FNBP4: variants seen among roughly 807,000 people sequenced by gnomAD.
FNBP4 encodes the protein formin-binding protein 4.
In FNBP4, 34 loss-of-function variants were observed where a neutral mutation model predicts 119.3. The ratio of observed to expected loss-of-function variants is 0.28; its 90% CI spans 0.22 to 0.38. FNBP4 has a LOEUF of 0.38. FNBP4 is among the 10% of genes least tolerant of loss of function. The probability of loss-of-function intolerance (pLI) is 1.00; values close to 1 mark genes in which losing one functional copy is unlikely to be tolerated. For missense variants in FNBP4, 1,112 were observed against 1,228.9 expected (o/e 0.90, Z 1.42); for synonymous variants, 462 against 430.6 (o/e 1.07, Z -0.90).
intron 9 of FNBP4, among the ~76,000 whole-genome samples, chr11:47,735,653 G>A (rs1290537819): frequency 2.0e-5 from 3 of 152,182 alleles, no homozygotes; most frequent in African/African-American, 7.2e-5. Flanking sequence ...TAATTTCTCA[G>A]TATCAAGTCA....
intron 8 of FNBP4, among the ~76,000 whole-genome samples, chr11:47,739,952 G>A (rs962456675): frequency 4.0e-5 from 4 of 100,804 alleles, no homozygotes; most frequent in African/African-American, 1.5e-4. Context: ...CTAGTTTTAT[G>A]TATTTTTGTT....
Position 47,746,097 on chromosome 11 carries a change from G to T in FNBP4, c.1204C>A (p.Gln402Lys). The T allele has an allele frequency of 1.9e-6, 3 of 1,609,264 alleles. No homozygotes were observed. The highest frequency in any genetic ancestry group is 1.7e-6 in the Non-Finnish European group (2 of 1,178,892). Residue 402 changes from glutamine (Q) to lysine (K), a missense_variant, in exon 7 of 17, where the codon CAA becomes AAA. Physicochemically the swap from Gln to Lys is moderately conservative, Grantham distance 53 (BLOSUM62 1). Coordinates refer to ENST00000263773, the MANE Select transcript of FNBP4 (RefSeq NM_015308.5). ...ACTAGCTCCAGTTCAAGGGTATCTT[G>T]TTCCTCTTCCTCCTCACTTTCTCCA... ...QSGESEEEEE[Q>K]DTLELELVLE...
chr11:47,765,849 A>ATTTT (rs1565173531), intron 1 of FNBP4, among the ~76,000 whole-genome samples: 2 of 23,554 alleles, frequency 8.5e-5, no homozygotes, highest in South Asian at 3.7e-3. Context: ...CAGAGCTGGA[A>ATTTT]TCTTTTTTTT....
intron 15 of FNBP4, 61 bp downstream of exon 15, chr11:47,722,915 G>A: frequency 7.0e-7 from 1 of 1,422,408 alleles, no homozygotes; most frequent in Non-Finnish European, 9.2e-7. Flanking sequence ...TTCATGTTAT[G>A]TGAATATAAC....
At chr11:47,733,212 GAGT>G (rs2097569568) in intron 10 of FNBP4, among the ~76,000 whole-genome samples, 1 of 152,188 alleles carries the variant, frequency 6.6e-6, no homozygotes, top group Non-Finnish European at 1.5e-5. Context: ...GTGTGAAAAT[GAGT>G]AGTAGTAGTT....
rs902220640 is a variant in FNBP4, at chr11:47,765,213, C to G, written c.313+57G>C. 5 of 1,176,848 alleles carry G rather than the reference C, an allele frequency of 4.2e-6. No individual in the cohort carries two copies. The African/African-American group carries it at 7.7e-5, about 18-fold the overall frequency. 72.9% of individuals were successfully genotyped at this position (1,176,848 alleles called of 1,614,324 possible). On this transcript the variant is annotated intron_variant, in intron 2 of 16. Coordinates refer to ENST00000263773, the MANE Select transcript of FNBP4 (RefSeq NM_015308.5). ...CAAAACATTCTATGTACAAACCCAA[C>G]TTGACTTTAATGAAAGACGTGGGAG...
chr11:47,728,342 T>C (rs1157235896), intron 12 of FNBP4, among the ~76,000 whole-genome samples: 1 of 150,872 alleles, frequency 6.6e-6, no homozygotes, highest in Non-Finnish European at 1.5e-5. Flanking sequence ...CTCTGCCTCC[T>C]GGGTTCAAGC....
Position 47,731,565 on chromosome 11 carries a change from A to T in FNBP4, c.1821-4T>A, listed in dbSNP as rs1216164885. The T allele has an allele frequency of 6.3e-7, 1 of 1,596,302 alleles. No homozygotes were observed. The highest frequency in any genetic ancestry group is 1.8e-5 in the Admixed American group (1 of 54,630). ...ATAGAAATACCGTCTATGATCCCTA[A>T]ATTACAAGAAAGAAAACACATGTTT... is the stretch of plus-strand genomic sequence containing the variant. On this transcript the variant is annotated splice_region_variant and splice_polypyrimidine_tract_variant and intron_variant, in intron 11 of 16. Transcript: ENST00000263773.
chr11:47,733,011 G>T (rs1168925257), intron 10 of FNBP4, among the ~76,000 whole-genome samples: 1 of 152,108 alleles, frequency 6.6e-6, no homozygotes, highest in Non-Finnish European at 1.5e-5. Context: ...CCAGCTACTC[G>T]AGAGGCTGAG....
chr11:47,766,126 C>T (rs547769166), intron 1 of FNBP4, among the ~76,000 whole-genome samples: 108 of 151,962 alleles, frequency 7.1e-4, no homozygotes, highest in African/African-American at 2.2e-3. Context: ...GAGACCAGCC[C>T]GGGAAACATG....
chr11:47,749,390 C>T (rs1455579838), intron 6 of FNBP4, among the ~76,000 whole-genome samples: 1 of 151,900 alleles, frequency 6.6e-6, no homozygotes, highest in East Asian at 1.9e-4. Context: ...GGTGAAACCT[C>T]GTCTCTACTA....
intron 6 of FNBP4, among the ~76,000 whole-genome samples, chr11:47,747,503 T>C (rs2097592861): frequency 6.6e-6 from 1 of 152,054 alleles, no homozygotes; most frequent in Non-Finnish European, 1.5e-5. Flanking sequence ...GACAGGGTTT[T>C]ACCAGGTTGG....
chr11:47,732,162 C>T lies in FNBP4; in HGVS notation c.1820+375G>A. On this transcript the variant is annotated intron_variant, in intron 11 of 16. Transcript: ENST00000263773. This position sits in a 1 kb window ranked among gnomAD's most constrained non-coding sequence, Gnocchi z 4.2. ...TCTTGTTCTTCATTCACATCTTCAG[C>T]CACGAAGTTTTCCTTAACTTCACCG... 9.8e-7 allele frequency: 1 copy of T among 1,017,280 alleles called. No homozygotes were observed. Among genetic ancestry groups the T allele is most frequent in the Non-Finnish European group, 1.2e-6 (1 of 850,990 alleles). 63.0% of individuals were successfully genotyped at this position (1,017,280 alleles called of 1,614,324 possible). A position where few individuals can be genotyped will look rare whatever the true frequency, so the allele number is the denominator to read the frequency against.
chr11:47,754,739 T>A lies in FNBP4; in HGVS notation c.314-75A>T, dbSNP rs1485900936. 3 of 1,511,196 alleles carry A rather than the reference T, an allele frequency of 2.0e-6. No individual in the cohort carries two copies. The East Asian group carries it at 6.8e-5, about 34-fold the overall frequency. The allele number at this position is 1,511,196 out of a possible 1,614,324, so 93.6% of individuals were successfully genotyped here. A position where few individuals can be genotyped will look rare whatever the true frequency, so the allele number is the denominator to read the frequency against. Reference sequence around the variant, plus strand: ...CTAAGAAGCATCTAAAGCGGAAGTATAACATGTTTTTTTTAAACTTACTTA... The same window carrying A: ...CTAAGAAGCATCTAAAGCGGAAGTAAAACATGTTTTTTTTAAACTTACTTA... On this transcript the variant is annotated intron_variant, in intron 2 of 16. Coordinates refer to ENST00000263773, the MANE Select transcript of FNBP4 (RefSeq NM_015308.5).
chr11:47,757,587 G>C (rs546848908), intron 2 of FNBP4, among the ~76,000 whole-genome samples: 15 of 150,728 alleles, frequency 1.0e-4, no homozygotes, highest in South Asian at 4.2e-4. Flanking sequence ...TCCACCTCCA[G>C]GGTTCATGCG....
chr11:47,762,877 T>C (rs1162032608), intron 2 of FNBP4, among the ~76,000 whole-genome samples: 1 of 128,540 alleles, frequency 7.8e-6, no homozygotes, highest in African/African-American at 2.8e-5. Flanking sequence ...GCCACTGCAC[T>C]CCAGCCTGGG....
At chr11:47,722,386 C>T (rs971853990) in intron 15 of FNBP4, among the ~76,000 whole-genome samples, 2 of 150,580 alleles carry the variant, frequency 1.3e-5, no homozygotes, top group Non-Finnish European at 3.0e-5. Flanking sequence ...ATAGCTTATC[C>T]CTATGCTTTT....
intron 6 of FNBP4, among the ~76,000 whole-genome samples, chr11:47,750,032 C>T (rs530885775): frequency 1.8e-4 from 28 of 152,098 alleles, no homozygotes; most frequent in African/African-American, 6.0e-4. Context: ...GCTGCTCCCA[C>T]GTCCTTTGCA....
At chr11:47,723,346 A>G (rs748475626) in intron 14 of FNBP4, 30 bp from the exon 15 acceptor site, 9 of 1,563,082 alleles carry the variant, frequency 5.8e-6, no homozygotes, top group Non-Finnish European at 7.8e-6. Context: ...ATGATACTAT[A>G]AAAAGGACAT....
Sources: gnomAD v4.1 joint callset for allele counts (sites outside exome capture counted in the v4.1 genomes callset) on GRCh38, gnomAD v4.1.1 for gene constraint, Gnocchi (gnomAD v3.1) non-coding constraint, MANE v1.5 for transcripts, NCBI Gene and HGNC (gene_info 2026-07-23, HGNC 2026-07-21) for gene names.